The following SNTG1 variants were observed in gnomAD, a reference collection of about 807,000 sequenced individuals.
SNTG1 encodes the protein gamma-1-syntrophin.
In SNTG1, 39 loss-of-function variants were observed where a neutral mutation model predicts 74.7. That is an observed-to-expected ratio of 0.52 (90% confidence interval 0.40 to 0.68). SNTG1 has a LOEUF of 0.68. SNTG1 is among the 30% of genes least tolerant of loss of function. The pLI is 0.00. For missense variants in SNTG1, 685 were observed against 609.5 expected (o/e 1.12, Z -1.30); for synonymous variants, 254 against 217.1 (o/e 1.17, Z -1.49).
intron 1 of SNTG1, among the ~76,000 whole-genome samples, chr8:50,153,872 G>A (rs1563668409): frequency 1.3e-5 from 2 of 152,326 alleles, no homozygotes; most frequent in African/African-American, 4.8e-5. Context: ...TGAGGAGGCA[G>A]TCTGTCTGTT....
intron 15 of SNTG1, among the ~76,000 whole-genome samples, chr8:50,689,724 C>T (rs10958038): frequency 0.21 from 31,310 of 152,044 alleles, 3,334 homozygotes; most frequent in South Asian, 0.31. Context: ...TTCGTTGTGT[C>T]TCTGCCAGGC....
intron 15 of SNTG1, among the ~76,000 whole-genome samples, chr8:50,699,137 G>T (rs531994770): frequency 6.6e-6 from 1 of 152,140 alleles, no homozygotes; most frequent in African/African-American, 2.4e-5. Context: ...AAGGAGATCT[G>T]TACCCTGTGC....
At chr8:50,042,386 A>T (rs1262520358) in intron 1 of SNTG1, among the ~76,000 whole-genome samples, 1 of 152,006 alleles carries the variant, frequency 6.6e-6, no homozygotes, top group Non-Finnish European at 1.5e-5. Context: ...TAAAAATGCA[A>T]ATCTTAAAAT....
chr8:50,189,936 T>C (rs902285005), intron 2 of SNTG1, among the ~76,000 whole-genome samples: 2 of 152,192 alleles, frequency 1.3e-5, no homozygotes, highest in Admixed American at 6.5e-5. Context: ...TTAATTCTTC[T>C]CTAGAACACG....
rs1316976354 is a variant in SNTG1, at chr8:50,217,494, T to G, written c.-28+44859T>G. Among the ~76,000 whole-genome samples, 6 of 152,244 alleles carry G rather than the reference T, an allele frequency of 3.9e-5. No homozygotes were observed. The East Asian group carries it at 1.2e-3, about 29-fold the overall frequency. ...TCATAATATGTGCTGTCATGTAATGTTCTTACCTTAAGTCTGTATACTGAA... is the reference window on the plus strand; with the variant it reads ...TCATAATATGTGCTGTCATGTAATGGTCTTACCTTAAGTCTGTATACTGAA... On this transcript the variant is annotated intron_variant, in intron 2 of 18. Transcript: ENST00000642720.
At chr8:50,278,885 G>A (rs2088273803) in intron 2 of SNTG1, among the ~76,000 whole-genome samples, 1 of 151,948 alleles carries the variant, frequency 6.6e-6, no homozygotes, top group African/African-American at 2.4e-5. Context: ...TATTAGACTG[G>A]CATTTACTGC....
At chr8:50,675,743 T>C (rs2095306969) in intron 15 of SNTG1, among the ~76,000 whole-genome samples, 1 of 152,120 alleles carries the variant, frequency 6.6e-6, no homozygotes, top group African/African-American at 2.4e-5. Flanking sequence ...ATGCAGTTTC[T>C]TCATAGTGTC....
chr8:50,064,699 A>AT (rs1468593586), intron 1 of SNTG1, among the ~76,000 whole-genome samples: 1 of 151,732 alleles, frequency 6.6e-6, no homozygotes. Flanking sequence ...GCTCTTTCCT[A>AT]TCTCAGGGCC....
intron 2 of SNTG1, among the ~76,000 whole-genome samples, chr8:50,220,848 CTT>C (rs2131986725): frequency 6.6e-6 from 1 of 152,326 alleles, no homozygotes; most frequent in Admixed American, 6.5e-5. Context: ...TCTCTCCCCT[CTT>C]GTCTAAAATA....
intron 1 of SNTG1, among the ~76,000 whole-genome samples, chr8:49,953,497 C>A (rs943511251): frequency 2.0e-5 from 3 of 152,150 alleles, no homozygotes; most frequent in Non-Finnish European, 4.4e-5. Flanking sequence ...AGAGGGTAGA[C>A]AAGCTGGGGA....
rs540385259 is a variant in SNTG1 at position 50,334,424 on chromosome 8, C to T, written c.-27-59788C>T. Among the ~76,000 whole-genome samples, 14 of 151,960 alleles carry T rather than the reference C, an allele frequency of 9.2e-5. 1 individual carries two copies. The highest frequency in any genetic ancestry group is 4.2e-4 in the South Asian group (2 of 4,818). On this transcript the variant is annotated intron_variant, in intron 2 of 18. Transcript: ENST00000642720. Reference sequence around the variant, plus strand: ...CATAACAAAAGCAAGCTGCCTTCAGCTTTCTCTGATGAGTTTCTCCCCTGT... The same window carrying T: ...CATAACAAAAGCAAGCTGCCTTCAGTTTTCTCTGATGAGTTTCTCCCCTGT...
intron 2 of SNTG1, among the ~76,000 whole-genome samples, chr8:50,333,321 T>C (rs1490624700): frequency 6.6e-6 from 1 of 152,270 alleles, no homozygotes; most frequent in African/African-American, 2.4e-5. Flanking sequence ...TAATGGTGTC[T>C]AATACATATT....
intron 2 of SNTG1, among the ~76,000 whole-genome samples, chr8:50,355,970 A>G (rs2091805526): frequency 6.6e-6 from 1 of 152,124 alleles, no homozygotes; most frequent in Admixed American, 6.5e-5. Context: ...ACAACACCCC[A>G]TGTAATATTG....
At chr8:50,631,727 C>T (rs1466007552) in intron 13 of SNTG1, among the ~76,000 whole-genome samples, 1 of 152,168 alleles carries the variant, frequency 6.6e-6, no homozygotes, top group Non-Finnish European at 1.5e-5. Flanking sequence ...AATTCATCCT[C>T]CTTGATACAT....
intron 1 of SNTG1, among the ~76,000 whole-genome samples, chr8:50,042,308 G>C (rs1042231307): frequency 6.6e-6 from 1 of 152,102 alleles, no homozygotes; most frequent in Non-Finnish European, 1.5e-5. Flanking sequence ...CCCACCCCCA[G>C]GGTGCTGCTG....
At chr8:50,646,640 C>T (rs1308494761) in intron 13 of SNTG1, among the ~76,000 whole-genome samples, 3 of 152,160 alleles carry the variant, frequency 2.0e-5, no homozygotes, top group Admixed American at 6.5e-5. Flanking sequence ...ATGCTCCCTC[C>T]TTCCTATTGT....
intron 18 of SNTG1, among the ~76,000 whole-genome samples, chr8:50,761,916 T>C (rs1481546711): frequency 6.6e-6 from 1 of 152,028 alleles, no homozygotes; most frequent in Non-Finnish European, 1.5e-5. Flanking sequence ...TCTTTGATAT[T>C]ACACATAAAT....
chr8:50,631,537 C>T (rs1263514497), intron 13 of SNTG1, among the ~76,000 whole-genome samples: 1 of 152,064 alleles, frequency 6.6e-6, no homozygotes, highest in Admixed American at 6.5e-5. Context: ...AATCGCAAAA[C>T]CAAAGGACTT....
intron 15 of SNTG1, among the ~76,000 whole-genome samples, chr8:50,663,466 G>A (rs952503541): frequency 3.3e-5 from 5 of 152,218 alleles, no homozygotes; most frequent in Admixed American, 2.6e-4. Context: ...AGCGGGCTAG[G>A]AGGAGAGAGG....
Sources: gnomAD v4.1 joint callset for allele counts (sites outside exome capture counted in the v4.1 genomes callset) on GRCh38, gnomAD v4.1.1 for gene constraint, MANE v1.5 for transcripts, NCBI Gene and HGNC (gene_info 2026-07-23, HGNC 2026-07-21) for gene names.